PARD3B: variants seen among roughly 807,000 people sequenced by gnomAD.
PARD3B encodes the protein partitioning defective 3 homolog B.
Under a neutral mutation model 130.2 loss-of-function variants are expected in PARD3B, and 103 were observed. The ratio of observed to expected loss-of-function variants is 0.79; its 90% CI spans 0.67 to 0.93. The LOEUF (loss-of-function observed/expected upper bound fraction) is 0.93, where lower values mean the gene tolerates loss of function less well. Ranked by LOEUF, PARD3B falls within the 40% of genes least tolerant of loss-of-function variation. PARD3B has a pLI of 0.00. For synonymous variants in PARD3B, 583 were observed against 553.2 expected (o/e 1.05, Z -0.76); for missense variants, 1,609 against 1,499.2 (o/e 1.07, Z -1.21).
At chr2:205,017,760 A>G (rs149943855) in intron 3 of PARD3B, among the ~76,000 whole-genome samples, 52 of 152,280 alleles carry the variant, frequency 3.4e-4, no homozygotes, top group African/African-American at 1.1e-3. Context: ...CTCTTCCTGA[A>G]TCATCCTATG....
rs377164138 is a variant in PARD3B, at chr2:204,858,607, G to A, written c.223-106545G>A. Reference sequence around the variant, plus strand: ...TTTAGGTCAAAGGATGCAACATAGGGTACATTAATGATAGTGTATTGTATT... The same window carrying A: ...TTTAGGTCAAAGGATGCAACATAGGATACATTAATGATAGTGTATTGTATT... On this transcript the variant is annotated intron_variant, in intron 2 of 22. Transcript: ENST00000406610. Among the ~76,000 whole-genome samples the A allele has an allele frequency of 1.9e-3, 280 of 151,114 alleles. 13 individuals carry two copies. In the South Asian group the frequency reaches 0.057, roughly 31 times the overall value.
intron 19 of PARD3B, among the ~76,000 whole-genome samples, chr2:205,435,544 A>C (rs1246061916): frequency 6.6e-6 from 1 of 151,662 alleles, no homozygotes; most frequent in Non-Finnish European, 1.5e-5. Context: ...CTATATGGTA[A>C]AGAGTTTATT....
chr2:205,022,757 A>G (rs1327451365), intron 3 of PARD3B, among the ~76,000 whole-genome samples: 1 of 152,168 alleles, frequency 6.6e-6, no homozygotes, highest in Non-Finnish European at 1.5e-5. Context: ...TCATTAAGTA[A>G]TATAACCATG....
At chr2:204,965,021 A>T in intron 2 of PARD3B, 131 bp from the exon 3 acceptor site, 1 of 706,914 alleles carries the variant, frequency 1.4e-6, no homozygotes, top group African/African-American at 1.8e-5. Flanking sequence ...GTTGTGGTAT[A>T]GTAACATTAA....
intron 2 of PARD3B, among the ~76,000 whole-genome samples, chr2:204,926,155 C>T (rs1687600944): frequency 6.6e-6 from 1 of 152,040 alleles, no homozygotes; most frequent in Non-Finnish European, 1.5e-5. Flanking sequence ...GTAGTGAGCA[C>T]TAGGCACCTG....
intron 20 of PARD3B, among the ~76,000 whole-genome samples, chr2:205,459,290 G>A (rs1193382902): frequency 6.6e-6 from 1 of 152,068 alleles, no homozygotes; most frequent in Non-Finnish European, 1.5e-5. Flanking sequence ...CCTTCAAGTA[G>A]TTTTTAGGTT....
Position 205,125,327 on chromosome 2 carries a change from C to T in PARD3B, c.1306-282C>T, listed in dbSNP as rs145398029. On this transcript the variant is annotated intron_variant, in intron 9 of 22. Transcript: ENST00000406610. The surrounding 1 kb of genome is among the most constrained non-coding windows in gnomAD (Gnocchi z 4.0). The stretch of plus-strand genomic sequence containing the variant: ...TTTGCAATCTGCTTTCTACCTTAAG[C>T]GGAATCATTTTCTGGTATCTGTCAG... Among the ~76,000 whole-genome samples, 15 of 152,236 alleles carry T rather than the reference C, an allele frequency of 9.9e-5. No individual in the cohort carries two copies. Among genetic ancestry groups the T allele is most frequent in the Admixed American group, 3.9e-4 (6 of 15,304 alleles).
chr2:205,463,502 A>C lies in PARD3B; in HGVS notation c.3044+22830A>C, dbSNP rs2048522462. The stretch of plus-strand genomic sequence containing the variant: ...AATGCTAATATGCATATGGTTAATT[A>C]AGAAGCCAAAATTGGCTATAAGCTC... On this transcript the variant is annotated intron_variant, in intron 20 of 22. Transcript: ENST00000406610. This position sits in a 1 kb window ranked among gnomAD's most constrained non-coding sequence, Gnocchi z 4.8. Among the ~76,000 whole-genome samples, 1 of 152,164 alleles carries C rather than the reference A, an allele frequency of 6.6e-6. No homozygotes were observed. The highest frequency in any genetic ancestry group is 2.1e-4 in the South Asian group (1 of 4,828).
At chr2:204,591,941 A>G (rs1347065674) in intron 1 of PARD3B, among the ~76,000 whole-genome samples, 1 of 152,246 alleles carries the variant, frequency 6.6e-6, no homozygotes, top group Non-Finnish European at 1.5e-5. Flanking sequence ...TTAGTGTGCT[A>G]AAGTTGTCTT....
At chr2:205,310,828 A>G (rs188529374) in intron 18 of PARD3B, among the ~76,000 whole-genome samples, 251 of 139,268 alleles carry the variant, frequency 1.8e-3, no homozygotes, top group Admixed American at 0.016. Flanking sequence ...GGTTCAAGTG[A>G]TTCTCCTGCC....
intron 20 of PARD3B, among the ~76,000 whole-genome samples, chr2:205,466,098 G>T (rs2048612861): frequency 6.6e-6 from 1 of 152,122 alleles, no homozygotes; most frequent in African/African-American, 2.4e-5. Flanking sequence ...TCTGGGATGG[G>T]GCCTGAGTTG....
intron 14 of PARD3B, among the ~76,000 whole-genome samples, chr2:205,189,525 A>G (rs1397720133): frequency 1.3e-5 from 2 of 152,202 alleles, no homozygotes; most frequent in Non-Finnish European, 2.9e-5. Flanking sequence ...GTCAACTTCC[A>G]GCTTCCAACA....
At chr2:205,392,714 A>T (rs1234603223) in intron 18 of PARD3B, among the ~76,000 whole-genome samples, 1 of 152,144 alleles carries the variant, frequency 6.6e-6, no homozygotes, top group Non-Finnish European at 1.5e-5. Context: ...CTACTTTTGC[A>T]TGCCATGGAA....
chr2:204,691,019 A>C (rs1364944731), intron 2 of PARD3B, among the ~76,000 whole-genome samples: 1 of 152,122 alleles, frequency 6.6e-6, no homozygotes, highest in African/African-American at 2.4e-5. Context: ...AAATTATTTC[A>C]AAGTCACAGA....
intron 3 of PARD3B, among the ~76,000 whole-genome samples, chr2:205,044,618 C>T (rs1352636873): frequency 6.6e-6 from 1 of 152,106 alleles, no homozygotes; most frequent in Non-Finnish European, 1.5e-5. Context: ...TGAGAAGTGT[C>T]TGTTCATGTC....
At chr2:205,290,159 T>C (rs540982613) in intron 16 of PARD3B, among the ~76,000 whole-genome samples, 164 of 152,280 alleles carry the variant, frequency 1.1e-3, no homozygotes, top group African/African-American at 3.3e-3. Context: ...TCCAGATAAA[T>C]CCAGGTGTAT....
chr2:205,256,293 T>C (rs1574519006), intron 16 of PARD3B, among the ~76,000 whole-genome samples: 1 of 152,070 alleles, frequency 6.6e-6, no homozygotes, highest in South Asian at 2.1e-4. Flanking sequence ...ATCTATTGCA[T>C]AGAGTGGGGC....
intron 1 of PARD3B, among the ~76,000 whole-genome samples, chr2:204,583,214 T>G (rs2032653150): frequency 1.7e-5 from 2 of 115,626 alleles, no homozygotes; most frequent in Admixed American, 1.9e-4. Context: ...AGCAAAGACT[T>G]GGAACCAACC....
chr2:205,340,170 G>A (rs1000872356), intron 18 of PARD3B, among the ~76,000 whole-genome samples: 1 of 152,010 alleles, frequency 6.6e-6, no homozygotes, highest in African/African-American at 2.4e-5. Flanking sequence ...ATTGCTTTGG[G>A]TAGTATGGTC....
Sources: gnomAD v4.1 joint callset for allele counts (sites outside exome capture counted in the v4.1 genomes callset) on GRCh38, gnomAD v4.1.1 for gene constraint, Gnocchi (gnomAD v3.1) non-coding constraint, MANE v1.5 for transcripts, NCBI Gene and HGNC (gene_info 2026-07-23, HGNC 2026-07-21) for gene names.